The following ASTN2 variants were observed in gnomAD, a reference collection of about 807,000 sequenced individuals.
ASTN2 encodes astrotactin-2.
ASTN2 carries 54 observed loss-of-function variants against 139.8 expected under a neutral mutation model. That is an observed-to-expected ratio of 0.39 (90% CI 0.31 to 0.48). The LOEUF (loss-of-function observed/expected upper bound fraction) is 0.48. Among genes scored for constraint, ASTN2 ranks in the 20% least tolerant of loss-of-function variants. The probability of loss-of-function intolerance (pLI) is 0.95; values close to 1 mark genes in which losing one functional copy is unlikely to be tolerated. For missense variants in ASTN2, 1,565 were observed against 1,725.1 expected (o/e 0.91, Z 1.64); for synonymous variants, 756 against 719.5 (o/e 1.05, Z -0.81).
intron 3 of ASTN2, among the ~76,000 whole-genome samples, chr9:117,173,346 G>A (rs1421694895): frequency 6.6e-6 from 1 of 151,892 alleles, no homozygotes; most frequent in Non-Finnish European, 1.5e-5. Flanking sequence ...AATCAAGCAG[G>A]CAAAAAATTA....
intron 11 of ASTN2, among the ~76,000 whole-genome samples, chr9:116,834,545 C>T (rs1267494237): frequency 6.6e-6 from 1 of 151,768 alleles, no homozygotes; most frequent in African/African-American, 2.4e-5. Context: ...ATTTGGTGTC[C>T]CTCTGTGGTA....
intron 2 of ASTN2, among the ~76,000 whole-genome samples, chr9:117,252,124 G>C (rs1157886168): frequency 1.3e-5 from 2 of 152,132 alleles, no homozygotes; most frequent in African/African-American, 4.8e-5. Context: ...AATAATGATG[G>C]GGATGAATGT....
At chr9:117,279,433 A>T (rs191410242) in intron 2 of ASTN2, among the ~76,000 whole-genome samples, 1 of 152,220 alleles carries the variant, frequency 6.6e-6, no homozygotes, top group African/African-American at 2.4e-5. Context: ...ACATTTGTAT[A>T]GAGTTTGCAT....
chr9:116,787,706 C>T (rs1010744905), intron 13 of ASTN2, among the ~76,000 whole-genome samples: 1 of 152,122 alleles, frequency 6.6e-6, no homozygotes, highest in South Asian at 2.1e-4. Flanking sequence ...ATTGCAATAG[C>T]CTTGAATAAA....
chr9:116,995,022 A>T (rs1440905021), intron 7 of ASTN2, among the ~76,000 whole-genome samples: 1 of 152,210 alleles, frequency 6.6e-6, no homozygotes, highest in Non-Finnish European at 1.5e-5. Context: ...AGGAAGGGTC[A>T]GCAAAGTGTC....
At chr9:116,904,296 C>T (rs7042929) in intron 10 of ASTN2, among the ~76,000 whole-genome samples, 2 of 152,064 alleles carry the variant, frequency 1.3e-5, no homozygotes, top group African/African-American at 2.4e-5. Flanking sequence ...CCTATGTCCT[C>T]GTGGCAGACA....
intron 17 of ASTN2, among the ~76,000 whole-genome samples, chr9:116,635,213 G>C (rs1033972348): frequency 6.6e-6 from 1 of 152,066 alleles, no homozygotes; most frequent in Non-Finnish European, 1.5e-5. Flanking sequence ...AACATTCAGA[G>C]CCACCCTATA....
intron 13 of ASTN2, among the ~76,000 whole-genome samples, chr9:116,756,467 T>C (rs376295032): frequency 3.3e-5 from 5 of 152,192 alleles, no homozygotes; most frequent in East Asian, 1.9e-4. Flanking sequence ...TCTCAATAAG[T>C]AATATTAATG....
At chr9:116,997,837 T>G (rs1399824241) in intron 7 of ASTN2, among the ~76,000 whole-genome samples, 1 of 152,224 alleles carries the variant, frequency 6.6e-6, no homozygotes, top group Non-Finnish European at 1.5e-5. Flanking sequence ...GATGTTGTTA[T>G]TGTCACTTCA....
At chr9:117,237,195 C>CA (rs1833070291) in intron 2 of ASTN2, among the ~76,000 whole-genome samples, 1 of 151,972 alleles carries the variant, frequency 6.6e-6, no homozygotes, top group Non-Finnish European at 1.5e-5. Context: ...CGTTCAATGA[C>CA]AAAAAACGCA....
At chr9:116,429,989 T>C (rs1356204462) in intron 22 of ASTN2, among the ~76,000 whole-genome samples, 1 of 152,136 alleles carries the variant, frequency 6.6e-6, no homozygotes, top group Non-Finnish European at 1.5e-5. Context: ...CATAAACTAC[T>C]AGTTGTTTGA....
At chr9:116,679,231 G>T (rs1374796247) in intron 16 of ASTN2, among the ~76,000 whole-genome samples, 1 of 152,058 alleles carries the variant, frequency 6.6e-6, no homozygotes, top group Admixed American at 6.6e-5. Flanking sequence ...AATATCCAGT[G>T]TTTTAAACCT....
chr9:116,918,135 T>C (rs1030543272), intron 10 of ASTN2, among the ~76,000 whole-genome samples: 3 of 152,220 alleles, frequency 2.0e-5, no homozygotes, highest in Non-Finnish European at 2.9e-5. Context: ...CCCAGCCATG[T>C]GGAACTGTAA....
chr9:116,725,626 G>A (rs1204827931), intron 16 of ASTN2, 145 bp downstream of exon 16: 2 of 773,466 alleles, frequency 2.6e-6, no homozygotes. Context: ...CTGAAGCTCA[G>A]AGAGAGGCAG....
intron 5 of ASTN2, 130 bp downstream of exon 5, chr9:117,095,914 C>G: frequency 1.3e-6 from 1 of 765,112 alleles, no homozygotes; most frequent in South Asian, 1.7e-5. Flanking sequence ...GCAACAGATA[C>G]TAAGCTCAGT....
intron 20 of ASTN2, 90 bp from the exon 21 acceptor site, chr9:116,442,643 G>A (rs981564646): frequency 2.1e-6 from 2 of 972,070 alleles, no homozygotes; most frequent in African/African-American, 3.2e-5. Flanking sequence ...CATGGCACAT[G>A]AGGCTACAGG....
At chr9:117,276,832 G>A (rs1039677308) in intron 2 of ASTN2, among the ~76,000 whole-genome samples, 9 of 152,178 alleles carry the variant, frequency 5.9e-5, no homozygotes, top group African/African-American at 2.2e-4. Flanking sequence ...CTTGGGCAAG[G>A]CCATTTCACT....
At chr9:117,301,305 T>C (rs1470091345) in intron 1 of ASTN2, among the ~76,000 whole-genome samples, 1 of 152,098 alleles carries the variant, frequency 6.6e-6, no homozygotes, top group Non-Finnish European at 1.5e-5. Flanking sequence ...TACTTCTTCT[T>C]CTCCTCTTCC....
At chr9:116,746,998 G>A (rs544043216) in intron 13 of ASTN2, among the ~76,000 whole-genome samples, 171 of 152,236 alleles carry the variant, frequency 1.1e-3, no homozygotes, top group African/African-American at 3.9e-3. Flanking sequence ...CTGTGGTACC[G>A]CGATCTCCCT....
Sources: gnomAD v4.1 joint callset for allele counts (sites outside exome capture counted in the v4.1 genomes callset) on GRCh38, gnomAD v4.1.1 for gene constraint, MANE v1.5 for transcripts, NCBI Gene and HGNC (gene_info 2026-07-23, HGNC 2026-07-21) for gene names.